The following MCTP1 variants were observed in gnomAD, a reference collection of about 807,000 sequenced individuals.
MCTP1 encodes multiple C2 and transmembrane domain containing 1, also known as multiple C2 and transmembrane domain-containing protein 1.
A neutral mutation model predicts 120.6 loss-of-function variants in MCTP1; 69 were observed. The ratio of observed to expected loss-of-function variants is 0.57; its 90% CI spans 0.47 to 0.70. The LOEUF (loss-of-function observed/expected upper bound fraction) is 0.70. Among genes scored for constraint, MCTP1 ranks in the 30% least tolerant of loss-of-function variants. MCTP1 has a pLI of 0.00. For missense variants in MCTP1, 1,203 were observed against 1,248.8 expected, an observed-to-expected ratio of 0.96 and a Z score of 0.55; for synonymous variants, 529 against 493.1, an observed-to-expected ratio of 1.07 and a Z score of -0.96.
intron 19 of MCTP1, among the ~76,000 whole-genome samples, chr5:94,734,134 C>T (rs1204185473): frequency 1.3e-5 from 2 of 152,106 alleles, no homozygotes; most frequent in African/African-American, 4.8e-5. Flanking sequence ...ACTAAATGTA[C>T]CAGCTGCCAC....
intron 17 of MCTP1, among the ~76,000 whole-genome samples, chr5:94,858,194 A>G (rs556341848): frequency 6.6e-6 from 1 of 151,758 alleles, no homozygotes; most frequent in Middle Eastern, 3.4e-3. Flanking sequence ...ATGAGTCGAC[A>G]TTTACTTTTG....
Position 95,284,624 on chromosome 5 carries a change from T to C in MCTP1, c.-49A>G. ...CCCCTCCTCCTCCTCCTCCTCCTCC[T>C]GCTTCTCCTCCCTCTTCGGCTGCAC... On this transcript the variant is annotated 5_prime_UTR_variant, in exon 1 of 23. Transcript: ENST00000515393. This position sits in a 1 kb window ranked among gnomAD's most constrained non-coding sequence, Gnocchi z 5.2. 1 of 1,331,630 alleles carries C rather than the reference T, an allele frequency of 7.5e-7. No homozygotes were observed. The highest frequency in any genetic ancestry group is 9.7e-7 in the Non-Finnish European group (1 of 1,028,690). 82.5% of individuals were successfully genotyped at this position (1,331,630 alleles called of 1,614,324 possible).
intron 17 of MCTP1, among the ~76,000 whole-genome samples, chr5:94,859,090 A>G (rs1453617296): frequency 3.3e-5 from 5 of 151,730 alleles, no homozygotes; most frequent in Non-Finnish European, 5.9e-5. Flanking sequence ...CATTTTAACT[A>G]CATATCAGCC....
At chr5:95,203,266 T>G (rs1751271735) in intron 1 of MCTP1, among the ~76,000 whole-genome samples, 1 of 152,226 alleles carries the variant, frequency 6.6e-6, no homozygotes, top group Non-Finnish European at 1.5e-5. Flanking sequence ...TTAAACACTT[T>G]TGCTCTCATG....
intron 9 of MCTP1, among the ~76,000 whole-genome samples, chr5:94,911,509 T>A (rs1263632925): frequency 6.6e-6 from 1 of 152,164 alleles, no homozygotes; most frequent in Non-Finnish European, 1.5e-5. Flanking sequence ...TGTGTGGCAC[T>A]TCCCTTTTCA....
intron 1 of MCTP1, among the ~76,000 whole-genome samples, chr5:95,067,299 CA>C (rs1411966536): frequency 6.6e-6 from 1 of 152,054 alleles, no homozygotes; most frequent in East Asian, 1.9e-4. Flanking sequence ...GTTCTCACCA[CA>C]AAGAAGTGAC....
chr5:94,904,743 C>T (rs1437893451), intron 10 of MCTP1, among the ~76,000 whole-genome samples: 1 of 152,166 alleles, frequency 6.6e-6, no homozygotes, highest in African/African-American at 2.4e-5. Flanking sequence ...TGCCTGGTGT[C>T]AGATCAGCAT....
chr5:95,211,623 T>C (rs1018120990), intron 1 of MCTP1, among the ~76,000 whole-genome samples: 2 of 152,224 alleles, frequency 1.3e-5, no homozygotes, highest in Non-Finnish European at 2.9e-5. Context: ...GGTTTGAATT[T>C]CCTCCTGTAG....
chr5:94,817,372 C>G (rs1427429691), intron 17 of MCTP1, among the ~76,000 whole-genome samples: 2 of 152,028 alleles, frequency 1.3e-5, no homozygotes. Flanking sequence ...CGCGCCACTG[C>G]TCTCCAACCT....
intron 1 of MCTP1, chr5:95,038,007 T>C (rs1012065938): frequency 1.2e-5 from 4 of 324,164 alleles, no homozygotes; most frequent in African/African-American, 6.7e-5. Flanking sequence ...AATACCATCA[T>C]ATGGGGCATA....
At chr5:95,018,387 TAACA>T (rs1207018818) in intron 1 of MCTP1, among the ~76,000 whole-genome samples, 2 of 151,992 alleles carry the variant, frequency 1.3e-5, no homozygotes. Context: ...TGAGGTAAAA[TAACA>T]GACAACAGTC....
chr5:94,933,335 A>C (rs769158226), intron 5 of MCTP1, among the ~76,000 whole-genome samples: 2 of 151,790 alleles, frequency 1.3e-5, no homozygotes, highest in Non-Finnish European at 3.0e-5. Context: ...ATCTAGGGGG[A>C]CATGTACTAA....
At chr5:94,962,100 C>A (rs529714056) in intron 2 of MCTP1, among the ~76,000 whole-genome samples, 1 of 151,910 alleles carries the variant, frequency 6.6e-6, no homozygotes, top group African/African-American at 2.4e-5. Context: ...GCAATGCCAC[C>A]TTACTCCTGC....
intron 1 of MCTP1, among the ~76,000 whole-genome samples, chr5:95,280,330 G>T (rs1760212278): frequency 6.6e-6 from 1 of 152,124 alleles, no homozygotes; most frequent in South Asian, 2.1e-4. Flanking sequence ...TTTATCCTTT[G>T]TGAAAGCAAT....
intron 1 of MCTP1, among the ~76,000 whole-genome samples, chr5:95,033,029 C>A (rs553289425): frequency 3.9e-5 from 6 of 152,006 alleles, no homozygotes; most frequent in Admixed American, 1.3e-4. Context: ...AAACACGCAA[C>A]CTTCCAAGAC....
intron 10 of MCTP1, among the ~76,000 whole-genome samples, chr5:94,905,626 T>C (rs1466982236): frequency 6.6e-6 from 1 of 152,228 alleles, no homozygotes; most frequent in Non-Finnish European, 1.5e-5. Context: ...GAATCAAACA[T>C]GGTTCCACGA....
At chr5:94,949,968 C>G (rs1266532966) in intron 3 of MCTP1, among the ~76,000 whole-genome samples, 1 of 151,770 alleles carries the variant, frequency 6.6e-6, no homozygotes, top group Non-Finnish European at 1.5e-5. Flanking sequence ...ACCAAGGTAC[C>G]TTATTTGATT....
chr5:94,707,735 A>G (rs1755066465), intron 22 of MCTP1, among the ~76,000 whole-genome samples, 168 bp from the exon 23 acceptor site: 2 of 151,972 alleles, frequency 1.3e-5, no homozygotes, highest in Admixed American at 1.3e-4. Flanking sequence ...CAGAGCAAGA[A>G]TAAGGGAAAT....
intron 6 of MCTP1, among the ~76,000 whole-genome samples, chr5:94,930,461 A>G (rs1581415940): frequency 6.6e-6 from 1 of 151,690 alleles, no homozygotes; most frequent in East Asian, 1.9e-4. Flanking sequence ...TTTAGTAGAG[A>G]TGGGGTTTCA....
Sources: allele counts gnomAD v4.1 joint callset (sites outside exome capture counted in the v4.1 genomes callset), GRCh38; gene constraint gnomAD v4.1.1; non-coding constraint Gnocchi (gnomAD v3.1); transcripts MANE v1.5; gene names NCBI Gene and HGNC (gene_info 2026-07-23, HGNC 2026-07-21).